LPIN2: variants seen among roughly 807,000 people sequenced by gnomAD.
LPIN2 encodes lipin 2.
In LPIN2, 55 loss-of-function variants were observed where a neutral mutation model predicts 111.4. The observed-to-expected ratio is 0.49, with a 90% confidence interval of 0.40 to 0.62. LPIN2 has a LOEUF of 0.62. Among genes scored for constraint, LPIN2 ranks in the 20% least tolerant of loss-of-function variants. The pLI is 0.00. For missense variants in LPIN2, 992 were observed against 1,112.1 expected (o/e 0.89, Z 1.54); for synonymous variants, 425 against 414.0 (o/e 1.03, Z -0.32).
chr18:3,007,102 A>C (rs2078527897), intron 1 of LPIN2, among the ~76,000 whole-genome samples: 1 of 152,180 alleles, frequency 6.6e-6, no homozygotes, highest in Non-Finnish European at 1.5e-5. Context: ...TTATTCTCGA[A>C]TAGTTCATAT....
Position 2,988,243 on chromosome 18 carries a change from C to A in LPIN2, c.-10+24844G>T, listed in dbSNP as rs1289014354. 2.6e-5 allele frequency among the ~76,000 whole-genome samples: 4 copies of A among 152,084 alleles called. No homozygotes were observed. The East Asian group carries it at 7.7e-4, about 29-fold the overall frequency. On this transcript the variant is annotated intron_variant, in intron 1 of 19. Transcript: ENST00000677752. ...CACTCTATTTCCCCATCAGAATGTA[C>A]AACATTCCATATTCTTGAATGCAGG...
intron 1 of LPIN2, among the ~76,000 whole-genome samples, chr18:2,986,962 G>C (rs952840324): frequency 1.3e-5 from 2 of 152,124 alleles, no homozygotes; most frequent in Non-Finnish European, 2.9e-5. Context: ...TCAGTTGCTT[G>C]ACAGGGGTGG....
intron 1 of LPIN2, among the ~76,000 whole-genome samples, chr18:2,969,601 A>T (rs1277921512): frequency 6.6e-6 from 1 of 152,240 alleles, no homozygotes; most frequent in African/African-American, 2.4e-5. Context: ...ACTCTAGGTC[A>T]GTATTTCTCA....
At chr18:2,927,357 T>C (rs1027301224) in intron 12 of LPIN2, among the ~76,000 whole-genome samples, 2 of 152,372 alleles carry the variant, frequency 1.3e-5, no homozygotes, top group African/African-American at 4.8e-5. Flanking sequence ...TCTGGAACTA[T>C]GCAGGCAGAC....
chr18:2,936,637 G>T (rs1012392104), intron 7 of LPIN2, among the ~76,000 whole-genome samples: 2 of 152,168 alleles, frequency 1.3e-5, no homozygotes, highest in African/African-American at 4.8e-5. Context: ...CTGGAATGGA[G>T]TGGCTTCATC....
chr18:2,962,135 CG>C (rs1568577601), intron 1 of LPIN2, among the ~76,000 whole-genome samples: 1 of 152,204 alleles, frequency 6.6e-6, no homozygotes, highest in African/African-American at 2.4e-5. Flanking sequence ...TGAGTGGCCA[CG>C]GCAGAGCCCT....
chr18:2,983,339 C>A (rs2078140356), intron 1 of LPIN2, among the ~76,000 whole-genome samples: 1 of 152,086 alleles, frequency 6.6e-6, no homozygotes, highest in Admixed American at 6.5e-5. Context: ...TGGGAGATAT[C>A]CTGCTCAGTA....
At chr18:2,946,379 A>G (rs746410407) in intron 4 of LPIN2, 22 of 1,486,468 alleles carry the variant, frequency 1.5e-5, no homozygotes, top group Admixed American at 3.3e-5. Flanking sequence ...AATGCTTAAG[A>G]AATCAGAAAA....
chr18:2,959,264 AG>A (rs1417330904), intron 2 of LPIN2, among the ~76,000 whole-genome samples: 4 of 152,226 alleles, frequency 2.6e-5, no homozygotes, highest in Non-Finnish European at 4.4e-5. Flanking sequence ...CCTAGAAATG[AG>A]ATGTTTTTCC....
intron 2 of LPIN2, among the ~76,000 whole-genome samples, chr18:2,959,552 G>A (rs2077675138): frequency 6.6e-6 from 1 of 152,184 alleles, no homozygotes. Flanking sequence ...TGCGAGGCAA[G>A]AATAGAAAGA....
intron 1 of LPIN2, among the ~76,000 whole-genome samples, chr18:2,993,844 G>A (rs1277252995): frequency 6.6e-6 from 1 of 152,108 alleles, no homozygotes; most frequent in African/African-American, 2.4e-5. Context: ...CCTCTTTACA[G>A]AAAACATGCA....
intron 8 of LPIN2, among the ~76,000 whole-genome samples, chr18:2,933,829 G>A (rs1482620078): frequency 6.6e-6 from 1 of 152,174 alleles, no homozygotes; most frequent in Non-Finnish European, 1.5e-5. Context: ...AAAATGGTGC[G>A]GGACAGTGAG....
chr18:3,006,019 A>G (rs1340188689), intron 1 of LPIN2, among the ~76,000 whole-genome samples: 1 of 152,202 alleles, frequency 6.6e-6, no homozygotes, highest in East Asian at 1.9e-4. Flanking sequence ...TCGCTACCAC[A>G]TGGCTGTGGC....
chr18:2,923,687 G>T, intron 16 of LPIN2, 88 bp downstream of exon 16: 2 of 1,089,590 alleles, frequency 1.8e-6, no homozygotes, highest in Non-Finnish European at 1.4e-6. Flanking sequence ...CATGACTCAT[G>T]TGGACTGAAG....
chr18:2,923,375 G>T, intron 16 of LPIN2, among the ~76,000 whole-genome samples: 1 of 125,982 alleles, frequency 7.9e-6, no homozygotes, highest in Admixed American at 1.1e-4. Flanking sequence ...AGCCAAGGTC[G>T]CGCCATTGCA....
chr18:2,975,059 A>C (rs2077988233), intron 1 of LPIN2, among the ~76,000 whole-genome samples: 1 of 152,208 alleles, frequency 6.6e-6, no homozygotes, highest in Non-Finnish European at 1.5e-5. Context: ...CATCTGATTT[A>C]ATCCTCACAA....
chr18:2,946,446 G>C, intron 4 of LPIN2: 1 of 1,434,036 alleles, frequency 7.0e-7, no homozygotes, highest in Non-Finnish European at 9.8e-7. Context: ...TGAAAGACTG[G>C]AACGCCTGGG....
intron 4 of LPIN2, among the ~76,000 whole-genome samples, chr18:2,943,628 G>GT (rs1262991019): frequency 6.6e-6 from 1 of 152,130 alleles, no homozygotes; most frequent in Non-Finnish European, 1.5e-5. Context: ...ATCAAACTAA[G>GT]TATCAACCTT....
intron 1 of LPIN2, among the ~76,000 whole-genome samples, chr18:2,963,923 C>T (rs546587016): frequency 6.6e-6 from 1 of 151,984 alleles, no homozygotes; most frequent in Admixed American, 6.5e-5. Flanking sequence ...CGTAACATCC[C>T]AAATTCTTAA....
Sources: allele counts gnomAD v4.1 joint callset (sites outside exome capture counted in the v4.1 genomes callset), GRCh38; gene constraint gnomAD v4.1.1; transcripts MANE v1.5; gene names NCBI Gene and HGNC (gene_info 2026-07-23, HGNC 2026-07-21).